Variants in SUSD1 observed in about 807,000 individuals in gnomAD.
SUSD1 encodes sushi domain-containing protein 1.
In SUSD1, 65 loss-of-function variants were observed where a neutral mutation model predicts 86.9. The observed-to-expected ratio is 0.75, with a 90% CI of 0.61 to 0.92. The LOEUF (loss-of-function observed/expected upper bound fraction) is 0.92, where lower values mean the gene tolerates loss of function less well. Among genes scored for constraint, SUSD1 ranks in the 40% least tolerant of loss-of-function variants. The pLI is 0.00. For synonymous variants in SUSD1, 346 were observed against 350.0 expected, an observed-to-expected ratio of 0.99 and a Z score of 0.13; for missense variants, 850 against 929.7, an observed-to-expected ratio of 0.91 and a Z score of 1.11.
rs1369639826 is a variant in SUSD1 at position 112,169,423 on chromosome 9, C to T, written c.103+5710G>A. 2.0e-5 allele frequency: 3 copies of T among 151,432 alleles called. No individual in the cohort carries two copies. In the East Asian group the frequency reaches 5.8e-4, roughly 29 times the overall value. The allele number at this position is 151,432 out of a possible 1,614,324, so 9.4% of individuals were successfully genotyped here. ...AAAAAAAAAATCAAAAAACAAACAA[C>T]AAAAAAAGAACTCTCAACCTTTCCT... On this transcript the variant is annotated intron_variant, in intron 1 of 16. Coordinates refer to ENST00000374270, the MANE Select transcript of SUSD1 (RefSeq NM_022486.5).
intron 1 of SUSD1, among the ~76,000 whole-genome samples, chr9:112,165,937 A>AGAAGAACGAAC (rs1489933373): frequency 2.5e-5 from 3 of 119,756 alleles, no homozygotes; most frequent in Admixed American, 9.0e-5. Context: ...AAAGAAAGAA[A>AGAAGAACGAAC]GAAAGAAGAA....
At position 112,142,360 on chromosome 9, in the gene SUSD1, T is replaced by C; in HGVS notation, c.666A>G (p.Thr222=). The part of the protein sequence containing the change: ...SVPEDTVSSC[T]GLGTWESPKL... ...TTGGGGACTCCCATGTGCCCAGGCC[T>C]GTGCAGCTTGAAACTGTATCTTCTG... The change falls in exon 5 of 17, where the codon ACA becomes ACG. Residue 222 remains threonine, a synonymous_variant. Transcript: ENST00000374270. The C allele has an allele frequency of 6.2e-7, 1 of 1,613,924 alleles. No individual in the cohort carries two copies. Among genetic ancestry groups the C allele is most frequent in the Non-Finnish European group, 8.5e-7 (1 of 1,179,938 alleles).
At position 112,128,870 on chromosome 9, in the gene SUSD1, G is replaced by A. The variant is rs115655074; in HGVS notation, c.707-4434C>T. Among the ~76,000 whole-genome samples, 1,371 of 152,228 alleles carry A rather than the reference G, an allele frequency of 9.0e-3. 26 individuals are homozygous for A. The highest frequency in any genetic ancestry group is 0.031 in the African/African-American group (1,280 of 41,534). On this transcript the variant is annotated intron_variant, in intron 5 of 16. Transcript: ENST00000374270. The stretch of plus-strand genomic sequence containing the variant: ...ATGGCAGGAGCCTAGTTAGTGAGAG[G>A]GAGACTGGCATGAGATGAAGGTGGA...
intron 10 of SUSD1, among the ~76,000 whole-genome samples, chr9:112,084,611 C>T (rs1829900627): frequency 6.6e-6 from 1 of 152,112 alleles, no homozygotes; most frequent in East Asian, 1.9e-4. Flanking sequence ...AGTGGCTTTA[C>T]AGTTTCAGCC....
chr9:112,094,016 T>C (rs1830301935), intron 10 of SUSD1, among the ~76,000 whole-genome samples: 1 of 152,158 alleles, frequency 6.6e-6, no homozygotes, highest in African/African-American at 2.4e-5. Flanking sequence ...CTAAGGTTTA[T>C]GTGGTTAGAG....
intron 6 of SUSD1, among the ~76,000 whole-genome samples, chr9:112,118,159 C>T (rs1831406613): frequency 6.6e-6 from 1 of 152,180 alleles, no homozygotes; most frequent in African/African-American, 2.4e-5. Context: ...GCAAGCTCAG[C>T]ATCATTTCTA....
intron 1 of SUSD1, among the ~76,000 whole-genome samples, chr9:112,172,118 C>T (rs1161882663): frequency 6.6e-6 from 1 of 151,568 alleles, no homozygotes; most frequent in African/African-American, 2.4e-5. Context: ...ATTTCTTGAA[C>T]CCAGGAGGCA....
chr9:112,143,681 A>G, intron 3 of SUSD1, 58 bp from the exon 4 acceptor site: 1 of 1,519,164 alleles, frequency 6.6e-7, no homozygotes, highest in Non-Finnish European at 8.9e-7. Context: ...GAAAAAAAAA[A>G]GGAGAGGATA....
At chr9:112,100,891 A>ACACACACAC (rs1830607256) in intron 9 of SUSD1, among the ~76,000 whole-genome samples, 2 of 73,454 alleles carry the variant, frequency 2.7e-5, no homozygotes, top group South Asian at 4.6e-4. Flanking sequence ...CACACACACA[A>ACACACACAC]ATAAAATCTC....
chr9:112,157,481 C>A lies in SUSD1; in HGVS notation c.217+19G>T. 6.4e-7 allele frequency: 1 copy of A among 1,565,630 alleles called. No individual in the cohort carries two copies. The highest frequency in any genetic ancestry group is 1.3e-5 in the African/African-American group (1 of 74,108). The stretch of plus-strand genomic sequence containing the variant: ...TTCTCGATTCAGCTTTTCAACTTAA[C>A]CCAGAGTTCAGAACTTACCAACACA... On this transcript the variant is annotated intron_variant, in intron 2 of 16. Coordinates refer to ENST00000374270, the MANE Select transcript of SUSD1 (RefSeq NM_022486.5).
At chr9:112,130,848 CAA>C (rs35275299) in intron 5 of SUSD1, among the ~76,000 whole-genome samples, 11 of 117,976 alleles carry the variant, frequency 9.3e-5, no homozygotes, top group Admixed American at 8.8e-5. Flanking sequence ...AACATCTCTA[CAA>C]AAAAAAAAAA....
Position 112,080,058 on chromosome 9 carries a change from A to G in SUSD1, c.1566+16T>C. On this transcript the variant is annotated intron_variant, in intron 11 of 16. Transcript: ENST00000374270. ...AAGACAACCATCTATAAATACAGTA[A>G]CTTTCAGTCACTTACTAAATACATC... 6.3e-7 allele frequency: 1 copy of G among 1,585,012 alleles called. No homozygotes were observed. The highest frequency in any genetic ancestry group is 1.1e-5 in the South Asian group (1 of 90,420).
At chr9:112,170,477 C>A (rs1426847821) in intron 1 of SUSD1, among the ~76,000 whole-genome samples, 1 of 151,984 alleles carries the variant, frequency 6.6e-6, no homozygotes, top group African/African-American at 2.4e-5. Context: ...CCCATTCCTA[C>A]CCTCTGGACT....
chr9:112,105,017 G>C (rs1395948329), intron 8 of SUSD1: 1 of 152,126 alleles, frequency 6.6e-6, no homozygotes, highest in Non-Finnish European at 1.5e-5. Context: ...ATTCAAACAA[G>C]AGATAAAGGA....
intron 5 of SUSD1, among the ~76,000 whole-genome samples, chr9:112,139,806 T>A (rs935917103): frequency 1.3e-5 from 2 of 151,954 alleles, no homozygotes; most frequent in Admixed American, 6.6e-5. Flanking sequence ...ACAGTGGGAA[T>A]AGATTGATGT....
chr9:112,138,917 C>T (rs1032730482), intron 5 of SUSD1, among the ~76,000 whole-genome samples: 1 of 152,086 alleles, frequency 6.6e-6, no homozygotes, highest in Non-Finnish European at 1.5e-5. Flanking sequence ...ATAACCACAG[C>T]AAATTAGAAG....
intron 10 of SUSD1, among the ~76,000 whole-genome samples, chr9:112,082,580 T>C (rs138376777): frequency 1.3e-5 from 2 of 152,076 alleles, no homozygotes; most frequent in African/African-American, 4.8e-5. Context: ...GGCGTGGAAA[T>C]AGATTCTCCC....
chr9:112,140,979 C>T (rs1355673702), intron 5 of SUSD1, among the ~76,000 whole-genome samples: 1 of 152,020 alleles, frequency 6.6e-6, no homozygotes, highest in Non-Finnish European at 1.5e-5. Flanking sequence ...AGTAAAAATA[C>T]AGAATAAAAG....
At chr9:112,129,805 G>A (rs1336656753) in intron 5 of SUSD1, among the ~76,000 whole-genome samples, 1 of 152,150 alleles carries the variant, frequency 6.6e-6, no homozygotes, top group Non-Finnish European at 1.5e-5. Context: ...TTACACCGTT[G>A]TTCATTGATA....
Sources: allele counts gnomAD v4.1 joint callset (sites outside exome capture counted in the v4.1 genomes callset), GRCh38; gene constraint gnomAD v4.1.1; transcripts MANE v1.5; gene names NCBI Gene and HGNC (gene_info 2026-07-23, HGNC 2026-07-21).